Variants in ACO2 observed in about 807,000 individuals in gnomAD.
ACO2 encodes aconitate hydratase, mitochondrial.
ACO2 carries 31 observed loss-of-function variants against 84.5 expected under a neutral mutation model. The observed-to-expected ratio is 0.37, with a 90% confidence interval of 0.28 to 0.50. The LOEUF (loss-of-function observed/expected upper bound fraction) is 0.50, where lower values mean the gene tolerates loss of function less well. ACO2 is among the 20% of genes least tolerant of loss of function. The pLI is 0.97. For synonymous variants in ACO2, 414 were observed against 412.7 expected, an observed-to-expected ratio of 1.00 and a Z score of -0.04; for missense variants, 685 against 1,029.3, an observed-to-expected ratio of 0.67 and a Z score of 4.58.
chr22:41,483,099 T>A (rs531329102), intron 1 of ACO2, among the ~76,000 whole-genome samples: 2 of 151,792 alleles, frequency 1.3e-5, no homozygotes, highest in African/African-American at 4.8e-5. Context: ...CCCCAGAAAG[T>A]GGGGGAAAGT....
At chr22:41,523,332 C>A in intron 11 of ACO2, 54 bp downstream of exon 11, 1 of 1,402,142 alleles carries the variant, frequency 7.1e-7, no homozygotes. Flanking sequence ...GTACAGAGCC[C>A]CAGAAGTTGG....
At chr22:41,513,510 C>G (rs1408062443) in intron 4 of ACO2, among the ~76,000 whole-genome samples, 1 of 152,236 alleles carries the variant, frequency 6.6e-6, no homozygotes, top group African/African-American at 2.4e-5. Flanking sequence ...AGACCTTCCT[C>G]CACATCACAG....
At chr22:41,484,871 CTTTT>C (rs1231320140) in intron 1 of ACO2, among the ~76,000 whole-genome samples, 1 of 118,982 alleles carries the variant, frequency 8.4e-6, no homozygotes. Flanking sequence ...GGAGTCAGCT[CTTTT>C]TTTTTTTTTT....
At chr22:41,479,729 G>C (rs1282427263) in intron 1 of ACO2, among the ~76,000 whole-genome samples, 1 of 152,228 alleles carries the variant, frequency 6.6e-6, no homozygotes, top group Non-Finnish European at 1.5e-5. Context: ...CTTCAGCTCA[G>C]CCTCACAGGC....
chr22:41,469,385 T>C, intron 1 of ACO2: 1 of 520,090 alleles, frequency 1.9e-6, no homozygotes, highest in Non-Finnish European at 3.3e-6. Flanking sequence ...TTCCTGGCCC[T>C]GTCCCTGCCT....
intron 1 of ACO2, among the ~76,000 whole-genome samples, chr22:41,489,841 C>T (rs1390679315): frequency 1.3e-5 from 2 of 151,860 alleles, no homozygotes; most frequent in Non-Finnish European, 2.9e-5. Flanking sequence ...TGATAACTTC[C>T]TGTAAGTAAA....
intron 2 of ACO2, among the ~76,000 whole-genome samples, chr22:41,500,288 C>CCTTTTT (rs2066344382): frequency 6.7e-6 from 1 of 149,978 alleles, no homozygotes. Context: ...TAAGATGGGA[C>CCTTTTT]CTTTTTAATT....
At chr22:41,469,564 C>T (rs1208761084) in intron 1 of ACO2, 1 of 211,186 alleles carries the variant, frequency 4.7e-6, no homozygotes, top group East Asian at 1.1e-4. Flanking sequence ...AGGCCCAGTT[C>T]CTGAGGCCTC....
intron 1 of ACO2, among the ~76,000 whole-genome samples, chr22:41,493,417 T>C (rs987959658): frequency 9.9e-5 from 15 of 152,142 alleles, no homozygotes; most frequent in Admixed American, 6.5e-4. Flanking sequence ...ACAGTTTCCA[T>C]GTGACATTTC....
intron 1 of ACO2, among the ~76,000 whole-genome samples, chr22:41,479,524 C>T (rs181688482): frequency 1.2e-4 from 18 of 152,312 alleles, no homozygotes; most frequent in Admixed American, 7.8e-4. Context: ...TCAGCCAAAC[C>T]GTTTCCCCAG....
At chr22:41,503,374 T>C (rs2066367716) in intron 2 of ACO2, among the ~76,000 whole-genome samples, 1 of 152,044 alleles carries the variant, frequency 6.6e-6, no homozygotes, top group African/African-American at 2.4e-5. Flanking sequence ...TCGCCCAGGC[T>C]GGCTGGAGTA....
At position 41,526,104 on chromosome 22, in the gene ACO2, C is replaced by T. The variant is rs78687674; in HGVS notation, c.1762-158C>T. 8.9e-4 allele frequency: 558 copies of T among 629,450 alleles called. 5 individuals are homozygous for T. The East Asian group carries it at 0.013, about 15-fold the overall frequency. 39.0% of individuals were successfully genotyped at this position (629,450 alleles called of 1,614,324 possible). On this transcript the variant is annotated intron_variant, in intron 14 of 17. Coordinates refer to ENST00000216254, the MANE Select transcript of ACO2 (RefSeq NM_001098.3). ...AGCCCATGTGGCCTTAGGGTGGAAG[C>T]ACCAGGACCACAGAACACGTGTCTG...
intron 1 of ACO2, among the ~76,000 whole-genome samples, chr22:41,470,688 G>A (rs2037936057): frequency 6.6e-6 from 1 of 151,912 alleles, no homozygotes; most frequent in Admixed American, 6.6e-5. Flanking sequence ...GATTACAGGT[G>A]TGCACCACCA....
chr22:41,525,123 G>A (rs908292390), intron 13 of ACO2, 70 bp from the exon 14 acceptor site: 1 of 1,596,578 alleles, frequency 6.3e-7, no homozygotes, highest in African/African-American at 1.3e-5. Context: ...GAGGAAACTT[G>A]CCTTCTGAGA....
chr22:41,505,577 AC>A (rs1461871465), intron 2 of ACO2, among the ~76,000 whole-genome samples: 1 of 151,940 alleles, frequency 6.6e-6, no homozygotes, highest in Non-Finnish European at 1.5e-5. Flanking sequence ...GTCCAGCTGT[AC>A]CCCTCACTGG....
At chr22:41,475,825 G>T (rs891091139) in intron 1 of ACO2, among the ~76,000 whole-genome samples, 4 of 151,470 alleles carry the variant, frequency 2.6e-5, no homozygotes, top group Admixed American at 6.6e-5. Context: ...CTGAACCCAG[G>T]AGGTGGAGGT....
rs2066358094 is a variant in ACO2, at chr22:41,502,154, C to T, written c.173+2292C>T. Reference sequence around the variant, plus strand: ...CTTGTTCTTGTGGGTTTCTTCTGGGCTCCATGTTAGAATCACCTGGGAAGC... The same window carrying T: ...CTTGTTCTTGTGGGTTTCTTCTGGGTTCCATGTTAGAATCACCTGGGAAGC... On this transcript the variant is annotated intron_variant, in intron 2 of 17. Coordinates refer to ENST00000216254, the MANE Select transcript of ACO2 (RefSeq NM_001098.3). 2.6e-5 allele frequency among the ~76,000 whole-genome samples: 4 copies of T among 152,294 alleles called. No homozygotes were observed. In the South Asian group the frequency reaches 8.3e-4, roughly 32 times the overall value.
At chr22:41,524,756 C>T in intron 12 of ACO2, 90 bp from the exon 13 acceptor site, 1 of 1,582,942 alleles carries the variant, frequency 6.3e-7, no homozygotes, top group South Asian at 1.1e-5. Context: ...TCCTGGGTTC[C>T]TTTCTCAGTT....
At chr22:41,519,639 A>C (rs1319199430) in intron 8 of ACO2, among the ~76,000 whole-genome samples, 1 of 151,950 alleles carries the variant, frequency 6.6e-6, no homozygotes, top group African/African-American at 2.4e-5. Context: ...CCCCGTCTCT[A>C]CTAAAAAAAT....
Sources: gnomAD v4.1 joint callset for allele counts (sites outside exome capture counted in the v4.1 genomes callset) on GRCh38, gnomAD v4.1.1 for gene constraint, MANE v1.5 for transcripts, NCBI Gene and HGNC (gene_info 2026-07-23, HGNC 2026-07-21) for gene names.